The following XIRP2 variants were observed in gnomAD, a reference collection of about 807,000 sequenced individuals.
The protein encoded by XIRP2 is xin actin binding repeat containing 2, also known as xin actin-binding repeat-containing protein 2.
In XIRP2, 236 loss-of-function variants were observed where a neutral mutation model predicts 277.0. The observed-to-expected ratio is 0.85, with a 90% CI of 0.77 to 0.95. The LOEUF (loss-of-function observed/expected upper bound fraction) is 0.95. Among genes scored for constraint, XIRP2 ranks in the 40% least tolerant of loss-of-function variants. XIRP2 has a pLI of 0.00. For missense variants in XIRP2, 4,640 were observed against 4,157.5 expected, an observed-to-expected ratio of 1.12 and a Z score of -3.19; for synonymous variants, 1,490 against 1,416.5, an observed-to-expected ratio of 1.05 and a Z score of -1.17.
intron 2 of XIRP2, among the ~76,000 whole-genome samples, chr2:167,117,640 A>AGTC (rs1690932222): frequency 6.6e-6 from 1 of 152,154 alleles, no homozygotes; most frequent in African/African-American, 2.4e-5. Flanking sequence ...TCTAATCTAC[A>AGTC]CCCAGCTGAG....
chr2:167,185,873 G>C (rs1184928034), intron 3 of XIRP2, among the ~76,000 whole-genome samples: 2 of 152,100 alleles, frequency 1.3e-5, no homozygotes, highest in African/African-American at 4.8e-5. Flanking sequence ...AGGTTGGTCA[G>C]CTTAGTCCCA....
intron 2 of XIRP2, among the ~76,000 whole-genome samples, chr2:167,060,576 T>C (rs539402225): frequency 5.4e-4 from 83 of 152,338 alleles, no homozygotes; most frequent in African/African-American, 1.9e-3. Flanking sequence ...AAATATCCAA[T>C]TGACTCAGTA....
chr2:167,226,649 C>T (rs930541876), intron 5 of XIRP2, among the ~76,000 whole-genome samples: 1 of 152,094 alleles, frequency 6.6e-6, no homozygotes, highest in Admixed American at 6.5e-5. Flanking sequence ...CTGCATGAGA[C>T]TGATCTCTCT....
At chr2:167,207,725 G>A (rs951586113) in intron 3 of XIRP2, among the ~76,000 whole-genome samples, 5 of 152,134 alleles carry the variant, frequency 3.3e-5, no homozygotes, top group African/African-American at 1.2e-4. Context: ...ATTTAAGAAT[G>A]TAGAAATGGG....
chr2:167,151,791 G>A (rs10497309), intron 3 of XIRP2, among the ~76,000 whole-genome samples: 15,117 of 152,032 alleles, frequency 0.099, 814 homozygotes, highest in South Asian at 0.16. Flanking sequence ...CCATAATGTG[G>A]GACTGAAGGA....
chr2:166,921,243 T>C (rs910294246), intron 2 of XIRP2, among the ~76,000 whole-genome samples: 7 of 152,142 alleles, frequency 4.6e-5, no homozygotes, highest in African/African-American at 1.7e-4. Flanking sequence ...GTGTGATTGC[T>C]GAATTGTATG....
chr2:167,027,663 G>A (rs991683459), intron 2 of XIRP2, among the ~76,000 whole-genome samples: 6 of 151,980 alleles, frequency 3.9e-5, no homozygotes, highest in African/African-American at 1.2e-4. Flanking sequence ...TTTGATGATG[G>A]TGATGTACAG....
intron 2 of XIRP2, among the ~76,000 whole-genome samples, chr2:166,966,359 G>C (rs1235123208): frequency 1.3e-5 from 2 of 151,484 alleles, no homozygotes; most frequent in East Asian, 3.9e-4. Flanking sequence ...TAGCCAACCA[G>C]ATATACCTAA....
chr2:167,222,758 T>C (rs758396902), intron 5 of XIRP2, among the ~76,000 whole-genome samples: 3 of 152,224 alleles, frequency 2.0e-5, no homozygotes, highest in Non-Finnish European at 4.4e-5. Context: ...GATATTAGAA[T>C]AAATTTGCTA....
Position 167,240,691 on chromosome 2 carries a change from G to C in XIRP2, c.997G>C (p.Glu333Gln), listed in dbSNP as rs201745627. 366 of 1,613,800 alleles carry C rather than the reference G, an allele frequency of 2.3e-4. 7 individuals are homozygous for C. The East Asian group carries it at 8.1e-3, about 36-fold the overall frequency. ...MVSHLEKHTE[E>Q]VNQASQFHQY... ...CTCTCATCTTGAAAAGCACACCGAGGAAGTAAACCAAGCATCTCAGTTTCA... is the reference window on the plus strand; with the variant it reads ...CTCTCATCTTGAAAAGCACACCGAGCAAGTAAACCAAGCATCTCAGTTTCA... The change falls in exon 7 of 11, where the codon GAA becomes CAA. Residue 333 changes from glutamate (E) to glutamine (Q), a missense_variant. By Grantham distance (29) the Glu-to-Gln change is conservative. Coordinates refer to ENST00000409195, the MANE Select transcript of XIRP2 (RefSeq NM_152381.6).
intron 3 of XIRP2, among the ~76,000 whole-genome samples, chr2:167,194,871 C>A (rs949039878): frequency 1.3e-5 from 2 of 152,090 alleles, no homozygotes; most frequent in Non-Finnish European, 2.9e-5. Context: ...CAGTCCCTGG[C>A]ACATAGTAAG....
At chr2:167,104,714 G>T (rs1398230817) in intron 2 of XIRP2, among the ~76,000 whole-genome samples, 1 of 151,920 alleles carries the variant, frequency 6.6e-6, no homozygotes, top group Admixed American at 6.6e-5. Context: ...TGAAATAGTT[G>T]TGTTTGATCT....
chr2:166,902,279 A>G (rs1684404704), intron 1 of XIRP2, among the ~76,000 whole-genome samples: 1 of 152,132 alleles, frequency 6.6e-6, no homozygotes, highest in South Asian at 2.1e-4. Context: ...TAGGGAAACT[A>G]TTGTTTAATG....
chr2:167,166,047 A>T (rs1444798333), intron 3 of XIRP2, among the ~76,000 whole-genome samples: 1 of 152,172 alleles, frequency 6.6e-6, no homozygotes, highest in Non-Finnish European at 1.5e-5. Context: ...ATTTTTGTAT[A>T]TGGATGTCCA....
chr2:167,208,455 C>A (rs914174668), intron 3 of XIRP2, among the ~76,000 whole-genome samples: 1 of 152,088 alleles, frequency 6.6e-6, no homozygotes, highest in Non-Finnish European at 1.5e-5. Flanking sequence ...CTACAGGCGC[C>A]CGCCACCATG....
chr2:167,181,914 C>T (rs1693024940), intron 3 of XIRP2, among the ~76,000 whole-genome samples: 1 of 152,154 alleles, frequency 6.6e-6, no homozygotes, highest in African/African-American at 2.4e-5. Context: ...ACCATCCCAG[C>T]TTATGCCATT....
At chr2:167,154,390 T>A (rs1692119518) in intron 3 of XIRP2, among the ~76,000 whole-genome samples, 1 of 151,582 alleles carries the variant, frequency 6.6e-6, no homozygotes, top group South Asian at 2.1e-4. Flanking sequence ...TTTCTTTTGC[T>A]GTGCAGAAGC....
intron 2 of XIRP2, among the ~76,000 whole-genome samples, chr2:167,028,664 A>G (rs1688242366): frequency 6.6e-6 from 1 of 151,986 alleles, no homozygotes; most frequent in Non-Finnish European, 1.5e-5. Context: ...ACACAGATGA[A>G]CCTACAGAAG....
At position 167,244,565 on chromosome 2, in the gene XIRP2, T is replaced by C. The variant is rs1178269587; in HGVS notation, c.3173T>C (p.Leu1058Ser). 4 of 1,612,780 alleles carry C rather than the reference T, an allele frequency of 2.5e-6. No individual in the cohort carries two copies. The highest frequency in any genetic ancestry group is 3.4e-6 in the Non-Finnish European group (4 of 1,179,498). ...GGAAATGTGAAATCTGCCAAATGGT[T>C]GTTTGAAACCCAACCTCTTGATTCA... ...QTGNVKSAKW[L>S]FETQPLDSIK... The change falls in exon 9 of 11, where the codon TTG becomes TCG. Residue 1058 changes from leucine (L) to serine (S), a missense_variant. Transcript: ENST00000409195.
Sources: allele counts gnomAD v4.1 joint callset (sites outside exome capture counted in the v4.1 genomes callset), GRCh38; gene constraint gnomAD v4.1.1; transcripts MANE v1.5; gene names NCBI Gene and HGNC (gene_info 2026-07-23, HGNC 2026-07-21).